Variants in KIF6 observed in about 807,000 individuals in gnomAD.
KIF6 encodes the protein kinesin-like protein KIF6.
Under a neutral mutation model 112.7 loss-of-function variants are expected in KIF6, and 106 were observed. That is an observed-to-expected ratio of 0.94 (90% CI 0.80 to 1.11). KIF6 has a LOEUF of 1.11. Among genes scored for constraint, KIF6 ranks in the 50% least tolerant of loss-of-function variants. KIF6 has a pLI of 0.00. For synonymous variants in KIF6, 339 were observed against 339.9 expected, an observed-to-expected ratio of 1.00 and a Z score of 0.03; for missense variants, 929 against 964.0, an observed-to-expected ratio of 0.96 and a Z score of 0.48.
At chr6:39,580,216 T>C (rs1242479530) in intron 9 of KIF6, among the ~76,000 whole-genome samples, 1 of 152,114 alleles carries the variant, frequency 6.6e-6, no homozygotes, top group Admixed American at 6.5e-5. Context: ...TCTTTAATTA[T>C]ATTTTATATC....
chr6:39,721,769 T>G (rs914056920), intron 1 of KIF6, among the ~76,000 whole-genome samples: 8 of 151,058 alleles, frequency 5.3e-5, no homozygotes, highest in Non-Finnish European at 8.8e-5. Context: ...ACCATAAAAT[T>G]GTAATGCACC....
At chr6:39,664,751 T>C (rs1259656056) in intron 3 of KIF6, among the ~76,000 whole-genome samples, 1 of 152,214 alleles carries the variant, frequency 6.6e-6, no homozygotes. Context: ...TTGTTCCCTA[T>C]GTGATTTAAT....
In KIF6 at chr6:39,502,784, A is replaced by G. The variant is rs527740744; in HGVS notation, c.1645+37219T>C. On this transcript the variant is annotated intron_variant, in intron 13 of 22. Coordinates refer to ENST00000287152, the MANE Select transcript of KIF6 (RefSeq NM_145027.6). The stretch of plus-strand genomic sequence containing the variant: ...TAATGGTTAAAGGTTCAATTCAACA[A>G]GAAGATCCAACTATACTAAATATAT... Among the ~76,000 whole-genome samples the G allele has an allele frequency of 1.5e-4, 23 of 152,362 alleles. 1 individual carries two copies. The South Asian group carries it at 4.1e-3, about 27-fold the overall frequency.
At chr6:39,665,628 A>T (rs1786421030) in intron 3 of KIF6, among the ~76,000 whole-genome samples, 1 of 152,222 alleles carries the variant, frequency 6.6e-6, no homozygotes, top group Admixed American at 6.5e-5. Context: ...ATAGACTATA[A>T]GCAACTGCAC....
chr6:39,369,241 C>T (rs1471946019), intron 16 of KIF6, among the ~76,000 whole-genome samples: 1 of 152,140 alleles, frequency 6.6e-6, no homozygotes, highest in Non-Finnish European at 1.5e-5. Context: ...CCGACGGGTG[C>T]TCAGTGCTGC....
chr6:39,719,808 G>A (rs1790097689), intron 2 of KIF6, among the ~76,000 whole-genome samples: 1 of 152,014 alleles, frequency 6.6e-6, no homozygotes, highest in East Asian at 1.9e-4. Context: ...TTTTCTACTA[G>A]CCACGTTTTT....
At chr6:39,425,616 T>G (rs1770705576) in intron 14 of KIF6, among the ~76,000 whole-genome samples, 1 of 152,010 alleles carries the variant, frequency 6.6e-6, no homozygotes, top group African/African-American at 2.4e-5. Flanking sequence ...CTGCCAAGAT[T>G]TCTCAAAGTC....
intron 13 of KIF6, among the ~76,000 whole-genome samples, chr6:39,460,983 C>A (rs1455913585): frequency 6.6e-6 from 1 of 152,180 alleles, no homozygotes. Flanking sequence ...TTCATCACTC[C>A]TCTTGGAAAA....
intron 14 of KIF6, among the ~76,000 whole-genome samples, chr6:39,421,712 G>A (rs554565637): frequency 3.3e-5 from 5 of 152,272 alleles, no homozygotes; most frequent in Admixed American, 6.5e-5. Context: ...CTCCGCCCCT[G>A]GCTCCCTTAT....
Position 39,639,610 on chromosome 6 carries a change from C to A in KIF6, c.399G>T (p.Lys133Asn), listed in dbSNP as rs760465321. The A allele has an allele frequency of 6.4e-7, 1 of 1,562,090 alleles. No homozygotes were observed. Among genetic ancestry groups the A allele is most frequent in the African/African-American group, 1.4e-5 (1 of 72,312 alleles). ...ATGATATGAACGAAAAGTTTCATAC[C>A]TTTTGTAACTGTTCAAAAATGTATG... ...TLSYIFEQLQ[K>N]DSSKIYTTHI... The change falls in exon 4 of 23, where the codon AAG becomes AAT. Residue 133 changes from lysine to asparagine, a missense_variant and splice_region_variant. This residue lies in a region of KIF6 where 688 missense variants were observed against 662.7 expected (regional missense o/e 1.04). Coordinates refer to ENST00000287152, the MANE Select transcript of KIF6 (RefSeq NM_145027.6).
At chr6:39,431,248 G>A (rs1771137085) in intron 13 of KIF6, 87 bp from the exon 14 acceptor site, 2 of 767,046 alleles carry the variant, frequency 2.6e-6, no homozygotes, top group Middle Eastern at 2.3e-4. Flanking sequence ...CACAAAACCA[G>A]CCCTGGCTCC....
At chr6:39,714,483 C>T (rs1239362006) in intron 3 of KIF6, among the ~76,000 whole-genome samples, 2 of 152,010 alleles carry the variant, frequency 1.3e-5, no homozygotes, top group Middle Eastern at 3.2e-3. Flanking sequence ...TATTTTGCTG[C>T]GTTATTTTGT....
At chr6:39,490,294 A>AGCAGAATGGATT (rs1286851743) in intron 13 of KIF6, among the ~76,000 whole-genome samples, 9 of 152,260 alleles carry the variant, frequency 5.9e-5, no homozygotes, top group African/African-American at 2.2e-4. Context: ...ACAATGTGAA[A>AGCAGAATGGATT]GCAGAATGGA....
intron 14 of KIF6, among the ~76,000 whole-genome samples, chr6:39,429,683 G>C (rs1283182898): frequency 6.6e-6 from 1 of 152,194 alleles, no homozygotes. Context: ...GCCAAGGTGG[G>C]CGGAACACGA....
intron 3 of KIF6, among the ~76,000 whole-genome samples, chr6:39,676,608 A>T (rs750886571): frequency 1.3e-5 from 2 of 152,284 alleles, no homozygotes; most frequent in Non-Finnish European, 2.9e-5. Flanking sequence ...ACAAGATAGA[A>T]TTAAAACATT....
rs2113898370 is a variant in KIF6 at position 39,343,526 on chromosome 6, T to C, written c.2428+183A>G. ...GGGCCTGTCTTGGTGTTTCTGATGC[T>C]GCCCCTTGAGGCTTTCTCGAGAAGG... On this transcript the variant is annotated intron_variant, in intron 22 of 22. Transcript: ENST00000287152. The surrounding 1 kb of genome is among the most constrained non-coding windows in gnomAD (Gnocchi z 4.1). 1 of 1,446,660 alleles carries C rather than the reference T, an allele frequency of 6.9e-7. No individual in the cohort carries two copies. Among genetic ancestry groups the C allele is most frequent in the Non-Finnish European group, 9.3e-7 (1 of 1,076,974 alleles). The allele number at this position is 1,446,660 out of a possible 1,614,324, so 89.6% of individuals were successfully genotyped here.
chr6:39,401,529 A>G (rs1481993939), intron 15 of KIF6, among the ~76,000 whole-genome samples: 2 of 152,168 alleles, frequency 1.3e-5, no homozygotes, highest in African/African-American at 4.8e-5. Context: ...GGGCCTGTAG[A>G]GGATACATGC....
At chr6:39,440,796 CA>C (rs1183124457) in intron 13 of KIF6, among the ~76,000 whole-genome samples, 1 of 152,094 alleles carries the variant, frequency 6.6e-6, no homozygotes, top group East Asian at 1.9e-4. Context: ...ATAGGAAGGT[CA>C]GGGGGAAGGT....
chr6:39,540,939 G>A (rs6931048), intron 12 of KIF6, among the ~76,000 whole-genome samples: 3,212 of 152,320 alleles, frequency 0.021, 122 homozygotes, highest in African/African-American at 0.073. Context: ...CCCTACTTCA[G>A]TGTTCATTCT....
Sources: allele counts gnomAD v4.1 joint callset (sites outside exome capture counted in the v4.1 genomes callset), GRCh38; gene constraint gnomAD v4.1.1; regional missense constraint gnomAD v4.1.1; non-coding constraint Gnocchi (gnomAD v3.1); transcripts MANE v1.5; gene names NCBI Gene and HGNC (gene_info 2026-07-23, HGNC 2026-07-21).